Variants in TARBP1 observed in about 807,000 individuals in gnomAD.
The protein encoded by TARBP1 is tRNA (guanosine(18)-2'-O)-methyltransferase TARBP1.
A neutral mutation model predicts 178.6 loss-of-function variants in TARBP1; 144 were observed. The observed-to-expected ratio is 0.81, with a 90% CI of 0.70 to 0.93. The LOEUF (loss-of-function observed/expected upper bound fraction) is 0.93, where lower values mean the gene tolerates loss of function less well. Ranked by LOEUF, TARBP1 falls within the 40% of genes least tolerant of loss-of-function variation. The pLI is 0.00. For synonymous variants in TARBP1, 787 were observed against 781.0 expected (o/e 1.01, Z -0.13); for missense variants, 2,067 against 2,011.7 (o/e 1.03, Z -0.53).
chr1:234,477,278 T>C (rs1669653338), intron 1 of TARBP1, among the ~76,000 whole-genome samples: 1 of 152,244 alleles, frequency 6.6e-6, no homozygotes, highest in Non-Finnish European at 1.5e-5. Flanking sequence ...TGTTTTCCAG[T>C]GAAAACTCTC....
intron 10 of TARBP1, 84 bp from the exon 11 acceptor site, chr1:234,448,663 T>C: frequency 8.2e-6 from 8 of 979,008 alleles, no homozygotes; most frequent in Non-Finnish European, 1.1e-5. Flanking sequence ...TAAATGATTA[T>C]GCCTTATTAA....
intron 22 of TARBP1, among the ~76,000 whole-genome samples, chr1:234,415,145 T>C (rs1662277740): frequency 6.6e-6 from 1 of 152,010 alleles, no homozygotes; most frequent in African/African-American, 2.4e-5. Context: ...TGGATGCAAC[T>C]CGAGCCTGTT....
chr1:234,466,543 A>T (rs1668457400), intron 4 of TARBP1, among the ~76,000 whole-genome samples: 1 of 145,438 alleles, frequency 6.9e-6, no homozygotes, highest in Non-Finnish European at 1.5e-5. Context: ...CTATCTGAGA[A>T]ATATATTCAA....
At chr1:234,470,872 T>C (rs1036248825) in intron 3 of TARBP1, among the ~76,000 whole-genome samples, 4 of 152,108 alleles carry the variant, frequency 2.6e-5, no homozygotes, top group Admixed American at 1.3e-4. Context: ...CACCTCTGCC[T>C]CCCAAAGTGC....
At chr1:234,471,721 CA>C (rs1202984677) in intron 2 of TARBP1, among the ~76,000 whole-genome samples, 2 of 152,170 alleles carry the variant, frequency 1.3e-5, no homozygotes, top group African/African-American at 4.8e-5. Flanking sequence ...ACATATCCTT[CA>C]AAATATGGAT....
intron 1 of TARBP1, among the ~76,000 whole-genome samples, chr1:234,473,404 CT>C (rs1558263351): frequency 6.6e-6 from 1 of 152,216 alleles, no homozygotes; most frequent in African/African-American, 2.4e-5. Flanking sequence ...ACTAGAACTG[CT>C]TTTCTGGAGA....
At chr1:234,448,709 T>C in intron 10 of TARBP1, 130 bp from the exon 11 acceptor site, 2 of 679,164 alleles carry the variant, frequency 2.9e-6, no homozygotes, top group Non-Finnish European at 5.0e-6. Context: ...CGAGATGAAC[T>C]ACAGCAGAAC....
intron 6 of TARBP1, among the ~76,000 whole-genome samples, chr1:234,461,365 C>T (rs1306426742): frequency 6.6e-6 from 1 of 152,168 alleles, no homozygotes; most frequent in Non-Finnish European, 1.5e-5. Context: ...AGTGCAGTGG[C>T]TTGATCTTGG....
chr1:234,462,338 C>A (rs1209709818), intron 6 of TARBP1, among the ~76,000 whole-genome samples: 10 of 152,228 alleles, frequency 6.6e-5, no homozygotes, highest in South Asian at 2.1e-4. Flanking sequence ...CTGACAAATT[C>A]ATCCCCATAT....
intron 6 of TARBP1, among the ~76,000 whole-genome samples, chr1:234,463,479 A>G (rs1334183560): frequency 6.6e-6 from 1 of 152,182 alleles, no homozygotes; most frequent in Non-Finnish European, 1.5e-5. Flanking sequence ...AACTTGCCAC[A>G]ATGAGTATTC....
chr1:234,423,674 C>T (rs76602957), intron 20 of TARBP1, among the ~76,000 whole-genome samples: 2,130 of 152,230 alleles, frequency 0.014, 21 homozygotes, highest in Middle Eastern at 0.024. Flanking sequence ...TCCAGGTGTC[C>T]TCCTTAATTC....
chr1:234,426,201 C>T (rs1663745283), intron 19 of TARBP1, among the ~76,000 whole-genome samples: 1 of 152,236 alleles, frequency 6.6e-6, no homozygotes. Context: ...CTACCATGCA[C>T]TATCGGTGCA....
intron 21 of TARBP1, among the ~76,000 whole-genome samples, chr1:234,418,470 C>T (rs1339553953): frequency 6.6e-6 from 1 of 152,208 alleles, no homozygotes; most frequent in Admixed American, 6.5e-5. Flanking sequence ...TATCCATCAC[C>T]TGTATTTTTA....
rs756154076 is a variant in TARBP1 at position 234,472,734 on chromosome 1, C to A, written c.1009G>T (p.Glu337Ter). ...CTTACCTGATTTCCTTCTAAAGTCT[C>A]CATAATTAAAATATAATTTTCCCAA... Reference protein sequence around the residue: ...KFWENYILIMETLEGNQIHVI... With the variant: ...KFWENYILIM Residue 337 changes from glutamate to a stop codon, truncating the protein, a stop_gained, in exon 2 of 30, where the codon GAG becomes TAG. Transcript: ENST00000040877. LOFTEE classifies it high-confidence loss of function. 5.6e-6 allele frequency: 9 copies of A among 1,597,366 alleles called. No individual in the cohort carries two copies. The highest frequency in any genetic ancestry group is 3.4e-6 in the Non-Finnish European group (4 of 1,174,176).
At chr1:234,393,549 C>T in intron 27 of TARBP1, 63 bp from the exon 28 acceptor site, 2 of 1,572,836 alleles carry the variant, frequency 1.3e-6, no homozygotes, top group Non-Finnish European at 1.7e-6. Context: ...CATCATGTCG[C>T]ATACATTCCT....
At chr1:234,413,505 G>T (rs946318729) in intron 22 of TARBP1, among the ~76,000 whole-genome samples, 1 of 152,072 alleles carries the variant, frequency 6.6e-6, no homozygotes, top group Non-Finnish European at 1.5e-5. Context: ...TGTTTACACC[G>T]CTAAGCTTTG....
chr1:234,470,180 T>C (rs1199105650), intron 3 of TARBP1, among the ~76,000 whole-genome samples: 2 of 151,744 alleles, frequency 1.3e-5, no homozygotes, highest in Admixed American at 1.3e-4. Flanking sequence ...GGCAAAAAAA[T>C]TGCCTGAACC....
At chr1:234,436,503 C>A (rs1168657101) in intron 13 of TARBP1, among the ~76,000 whole-genome samples, 1 of 152,038 alleles carries the variant, frequency 6.6e-6, no homozygotes, top group Non-Finnish European at 1.5e-5. Flanking sequence ...TTCATAATAG[C>A]TTCCTTGCCT....
At chr1:234,425,017 C>T (rs769328816) in intron 20 of TARBP1, among the ~76,000 whole-genome samples, 1 of 151,110 alleles carries the variant, frequency 6.6e-6, no homozygotes, top group African/African-American at 2.4e-5. Context: ...GCCAAGATCG[C>T]ACCTTCGCAC....
Sources: gnomAD v4.1 joint callset for allele counts (sites outside exome capture counted in the v4.1 genomes callset) on GRCh38, gnomAD v4.1.1 for gene constraint, MANE v1.5 for transcripts, NCBI Gene and HGNC (gene_info 2026-07-23, HGNC 2026-07-21) for gene names.